Variants in SPINK9 observed in about 807,000 individuals in gnomAD.
SPINK9 encodes serine protease inhibitor Kazal-type 9.
Under a neutral mutation model 10.8 loss-of-function variants are expected in SPINK9, and 3 were observed. The observed-to-expected ratio is 0.28, with a 90% CI of 0.13 to 0.72. The LOEUF (loss-of-function observed/expected upper bound fraction) is 0.72. Ranked by LOEUF, SPINK9 falls within the 30% of genes least tolerant of loss-of-function variation. SPINK9 has a pLI of 0.74. For missense variants in SPINK9, 101 were observed against 103.2 expected (o/e 0.98, Z 0.09); for synonymous variants, 30 against 31.2 (o/e 0.96, Z 0.12).
chr5:148,335,634 C>A lies in SPINK9; in HGVS notation c.21C>A (p.Val7=), dbSNP rs747185679. 1 of 1,613,652 alleles carries A rather than the reference C, an allele frequency of 6.2e-7. No individual in the cohort carries two copies. The highest frequency in any genetic ancestry group is 1.7e-5 in the Admixed American group (1 of 60,022). MRATAI[V]LLLALTLATM... ...GTACTATGAGAGCAACAGCCATAGTCCTACTCTTGGCTCTGACACTTGCAA... is the reference window on the plus strand; with the variant it reads ...GTACTATGAGAGCAACAGCCATAGTACTACTCTTGGCTCTGACACTTGCAA... Residue 7 remains valine, a synonymous_variant, in exon 1 of 4, where the codon GTC becomes GTA. Coordinates refer to ENST00000377906, the MANE Select transcript of SPINK9 (RefSeq NM_001040433.2).
intron 2 of SPINK9, among the ~76,000 whole-genome samples, chr5:148,330,467 A>G (rs1275952790): frequency 6.6e-6 from 1 of 152,152 alleles, no homozygotes; most frequent in Non-Finnish European, 1.5e-5. Flanking sequence ...CCAATTTGCC[A>G]GTCTGTGTCT....
rs573175761 is a variant in SPINK9 at position 148,330,077 on chromosome 5, G to A, written c.118+6209G>A. Among the ~76,000 whole-genome samples, 46 of 152,172 alleles carry A rather than the reference G, an allele frequency of 3.0e-4. No individual in the cohort carries two copies. In the East Asian group the frequency reaches 4.6e-3, roughly 15 times the overall value. On this transcript the variant is annotated intron_variant, in intron 2 of 4. Transcript: ENST00000511717. The stretch of plus-strand genomic sequence containing the variant: ...GATATCTTTTTTAACTTTCTGTCTC[G>A]TTGATCTGTCTAATGTTGACAGTGG...
intron 2 of SPINK9, among the ~76,000 whole-genome samples, chr5:148,330,375 C>T (rs1215801943): frequency 6.6e-6 from 1 of 152,256 alleles, no homozygotes; most frequent in East Asian, 1.9e-4. Flanking sequence ...TTCCTCCATC[C>T]CTTTATTTTG....
exon 2 of SPINK9, chr5:148,323,761 T>C (rs1350816912): frequency 1.4e-6 from 1 of 700,308 alleles, no homozygotes; most frequent in East Asian, 2.7e-5. Context: ...ATGGTCTTTA[T>C]GAATCCTTCT....
chr5:148,339,609 G>A, intron 3 of SPINK9, 58 bp from the exon 4 acceptor site: 1 of 1,462,942 alleles, frequency 6.8e-7, no homozygotes, highest in African/African-American at 1.4e-5. Flanking sequence ...AAGTTTGGAT[G>A]CTAATGAAAT....
chr5:148,325,412 A>G (rs1055643970), intron 2 of SPINK9, among the ~76,000 whole-genome samples: 1 of 152,078 alleles, frequency 6.6e-6, no homozygotes, highest in Non-Finnish European at 1.5e-5. Context: ...AATGGTTCCA[A>G]TTTCTCTACC....
chr5:148,337,107 A>T (rs1419141755), intron 2 of SPINK9, among the ~76,000 whole-genome samples: 7 of 152,290 alleles, frequency 4.6e-5, no homozygotes, highest in Non-Finnish European at 1.0e-4. Context: ...GATGGGCCTG[A>T]GTTCAAGCCA....
At position 148,335,562 on chromosome 5, in the gene SPINK9, C is replaced by T; in HGVS notation, c.-52C>T. 6.5e-7 allele frequency: 1 copy of T among 1,527,028 alleles called. No homozygotes were observed. Among genetic ancestry groups the T allele is most frequent in the South Asian group, 1.1e-5 (1 of 88,820 alleles). 94.6% of individuals were successfully genotyped at this position (1,527,028 alleles called of 1,614,324 possible). ...GCAGGATCAAAGTGAGCTGGACGGACACCAGGTCACTTCTTTTCCCTACAT... is the reference window on the plus strand; with the variant it reads ...GCAGGATCAAAGTGAGCTGGACGGATACCAGGTCACTTCTTTTCCCTACAT... On this transcript the variant is annotated 5_prime_UTR_variant, in exon 1 of 4. Coordinates refer to ENST00000377906, the MANE Select transcript of SPINK9 (RefSeq NM_001040433.2).
intron 1 of SPINK9, among the ~76,000 whole-genome samples, chr5:148,323,391 G>C (rs563774188): frequency 6.6e-6 from 1 of 152,240 alleles, no homozygotes; most frequent in East Asian, 1.9e-4. Flanking sequence ...TAAGGCAATA[G>C]ATGTATATTA....
Position 148,323,847 on chromosome 5 carries a change from A to G in SPINK9, c.97A>G (p.Thr33Ala), listed in dbSNP as rs532125646. 19 of 701,118 alleles carry G rather than the reference A, an allele frequency of 2.7e-5. 1 individual carries two copies. Among genetic ancestry groups the G allele is most frequent in the African/African-American group, 8.7e-5 (5 of 57,344 alleles). The allele number at this position is 701,118 out of a possible 1,614,324, so 43.4% of individuals were successfully genotyped here. Residue 33 changes from threonine to alanine, a missense_variant, in exon 2 of 5, where the codon ACG (threonine) becomes GCG (alanine). Coordinates refer to the SPINK9 transcript ENST00000511717. Reference sequence around the variant, plus strand: ...TGAACCCAGGAGACTCATGGGCTTAACGCAACCTGAACATTTACAAGGTAT... The same window carrying G: ...TGAACCCAGGAGACTCATGGGCTTAGCGCAACCTGAACATTTACAAGGTAT...
At chr5:148,336,956 C>T (rs1051256031) in intron 2 of SPINK9, among the ~76,000 whole-genome samples, 3 of 152,118 alleles carry the variant, frequency 2.0e-5, no homozygotes, top group African/African-American at 7.2e-5. Flanking sequence ...TTATTTGGTA[C>T]TCAATTTGAG....
chr5:148,323,765 T>A (rs1439130947), exon 2 of SPINK9: 20 of 700,264 alleles, frequency 2.9e-5, no homozygotes, highest in Non-Finnish European at 4.4e-5. Context: ...TCTTTATGAA[T>A]CCTTCTCATC....
At chr5:148,338,386 T>C (rs1757245066) in intron 2 of SPINK9, 92 bp from the exon 3 acceptor site, 9 of 1,182,062 alleles carry the variant, frequency 7.6e-6, no homozygotes, top group East Asian at 2.5e-5. Flanking sequence ...GAAACATGCA[T>C]TGAGAGCCCT....
upstream of SPINK9, among the ~76,000 whole-genome samples, chr5:148,334,244 A>G (rs1757186527): frequency 6.6e-6 from 1 of 152,090 alleles, no homozygotes; most frequent in Non-Finnish European, 1.5e-5. Flanking sequence ...GTGATCAGAT[A>G]TTAAGAATTG....
In SPINK9 at chr5:148,326,874, T is replaced by C. The variant is rs1156471060; in HGVS notation, c.118+3006T>C. Among the ~76,000 whole-genome samples, 6 of 152,232 alleles carry C rather than the reference T, an allele frequency of 3.9e-5. No homozygotes were observed. In the East Asian group the frequency reaches 1.2e-3, roughly 29 times the overall value. ...TTTTTTATGGCTGCATAGTATTCCATGGTGTATATGTGCCACATTTTCTTA... is the reference window on the plus strand; with the variant it reads ...TTTTTTATGGCTGCATAGTATTCCACGGTGTATATGTGCCACATTTTCTTA... On this transcript the variant is annotated intron_variant, in intron 2 of 4. Transcript: ENST00000511717.
At chr5:148,322,476 G>A (rs898528033) in intron 1 of SPINK9, among the ~76,000 whole-genome samples, 1 of 152,130 alleles carries the variant, frequency 6.6e-6, no homozygotes, top group African/African-American at 2.4e-5. Context: ...GAAACACTGA[G>A]CTCCAAAAGC....
chr5:148,328,816 T>C (rs1205357256), intron 2 of SPINK9, among the ~76,000 whole-genome samples: 11 of 152,182 alleles, frequency 7.2e-5, no homozygotes, highest in Non-Finnish European at 1.6e-4. Context: ...TATTGACTTG[T>C]GTATGTTGAA....
chr5:148,335,397 A>G (rs1279293030), upstream of SPINK9, among the ~76,000 whole-genome samples: 1 of 152,212 alleles, frequency 6.6e-6, no homozygotes, highest in Non-Finnish European at 1.5e-5. Flanking sequence ...ACTAGCTATT[A>G]AAATGGCATG....
At chr5:148,330,963 C>T (rs1051308711), upstream of SPINK9, among the ~76,000 whole-genome samples, 1 of 152,108 alleles carries the variant, frequency 6.6e-6, no homozygotes, top group African/African-American at 2.4e-5. Context: ...TGGGAGTGAC[C>T]CGATTTTCCA....
Sources: gnomAD v4.1 joint callset for allele counts (sites outside exome capture counted in the v4.1 genomes callset) on GRCh38, gnomAD v4.1.1 for gene constraint, MANE v1.5 for transcripts, NCBI Gene and HGNC (gene_info 2026-07-23, HGNC 2026-07-21) for gene names.